Variants in RRAS2 observed in about 807,000 individuals in gnomAD.
RRAS2 encodes the protein RAS related 2, also known as ras-related protein R-Ras2.
In RRAS2, 7 loss-of-function variants were observed where a neutral mutation model predicts 27.6. The observed-to-expected ratio is 0.25, with a 90% CI of 0.14 to 0.48. The LOEUF (loss-of-function observed/expected upper bound fraction) is 0.48. Among genes scored for constraint, RRAS2 ranks in the 20% least tolerant of loss-of-function variants. RRAS2 has a pLI of 0.99. For missense variants in RRAS2, 178 were observed against 256.2 expected (o/e 0.69, Z 2.08); for synonymous variants, 86 against 90.9 (o/e 0.95, Z 0.31).
At chr11:14,359,703 T>G (rs1292548243), upstream of RRAS2, among the ~76,000 whole-genome samples, 3 of 152,116 alleles carry the variant, frequency 2.0e-5, no homozygotes, top group Non-Finnish European at 4.4e-5. Context: ...TGTGACAGAT[T>G]TTGTATGTGT....
At chr11:14,295,379 G>T (rs144144012) in intron 2 of RRAS2, among the ~76,000 whole-genome samples, 10 of 152,292 alleles carry the variant, frequency 6.6e-5, no homozygotes, top group Non-Finnish European at 1.5e-4. Context: ...AACAGTACTT[G>T]CTAAAGTCTC....
Position 14,358,585 on chromosome 11 carries a change from C to G in RRAS2, c.108+178G>C, listed in dbSNP as rs1554955813. On this transcript the variant is annotated intron_variant, in intron 1 of 5. Coordinates refer to ENST00000256196, the MANE Select transcript of RRAS2 (RefSeq NM_012250.6). This position sits in a 1 kb window ranked among gnomAD's most constrained non-coding sequence, Gnocchi z 5.1. ...CGCCGCGCCCGGGAGGAGGCAGGAG[C>G]GCGACGCTGCGGCCGCAGGGCAGGA... 2.0e-6 allele frequency: 2 copies of G among 985,308 alleles called. No homozygotes were observed. The highest frequency in any genetic ancestry group is 2.4e-6 in the Non-Finnish European group (2 of 829,896). The allele number at this position is 985,308 out of a possible 1,614,324, so 61.0% of individuals were successfully genotyped here. A position where few individuals can be genotyped will look rare whatever the true frequency, so the allele number is the denominator to read the frequency against.
chr11:14,280,347 T>G (rs1849489645), intron 5 of RRAS2, among the ~76,000 whole-genome samples: 1 of 152,028 alleles, frequency 6.6e-6, no homozygotes, highest in Non-Finnish European at 1.5e-5. Context: ...AACCTTCACT[T>G]TTTTTTCCTC....
chr11:14,302,071 CAT>C (rs1395658655), intron 1 of RRAS2, among the ~76,000 whole-genome samples: 2 of 104,072 alleles, frequency 1.9e-5, no homozygotes, highest in Non-Finnish European at 4.1e-5. Context: ...GTACCACACA[CAT>C]ACACACACAC....
At chr11:14,306,181 T>C (rs1341866771) in intron 1 of RRAS2, among the ~76,000 whole-genome samples, 6 of 152,232 alleles carry the variant, frequency 3.9e-5, no homozygotes, top group South Asian at 2.1e-4. Flanking sequence ...TGTGTGCTTA[T>C]TGGCCATTTG....
chr11:14,342,124 T>TACCC (rs1848720274), intron 1 of RRAS2: 2 of 226,810 alleles, frequency 8.8e-6, no homozygotes, highest in African/African-American at 4.6e-5. Context: ...CCTCTCCTCC[T>TACCC]ACCCCACTGC....
At position 14,358,203 on chromosome 11, in the gene RRAS2, T is replaced by C; in HGVS notation, c.108+560A>G. The C allele has an allele frequency of 1.1e-5, 11 of 984,650 alleles. No individual in the cohort carries two copies. The highest frequency in any genetic ancestry group is 1.3e-5 in the Non-Finnish European group (11 of 829,200). 61.0% of individuals were successfully genotyped at this position (984,650 alleles called of 1,614,324 possible). On this transcript the variant is annotated intron_variant, in intron 1 of 5. Coordinates refer to ENST00000256196, the MANE Select transcript of RRAS2 (RefSeq NM_012250.6). This position sits in a 1 kb window ranked among gnomAD's most constrained non-coding sequence, Gnocchi z 5.1. Reference sequence around the variant, plus strand: ...CACACTCCCACCCGGACATATTACCTAAGAGAGTACTTATAAAAAGAGCGT... The same window carrying C: ...CACACTCCCACCCGGACATATTACCCAAGAGAGTACTTATAAAAAGAGCGT...
At chr11:14,279,715 G>A (rs1849470024) in intron 5 of RRAS2, among the ~76,000 whole-genome samples, 1 of 152,080 alleles carries the variant, frequency 6.6e-6, no homozygotes, top group South Asian at 2.1e-4. Context: ...TGACTCTAAG[G>A]TATCCTTAAG....
chr11:14,342,659 T>A (rs1481866013), intron 1 of RRAS2, among the ~76,000 whole-genome samples: 4 of 152,194 alleles, frequency 2.6e-5, no homozygotes, highest in Non-Finnish European at 5.9e-5. Context: ...ATTATACCTT[T>A]TCATTTCATA....
At chr11:14,322,936 A>T (rs1554950487) in intron 1 of RRAS2, among the ~76,000 whole-genome samples, 1 of 152,242 alleles carries the variant, frequency 6.6e-6, no homozygotes, top group East Asian at 1.9e-4. Context: ...TATGGAAATA[A>T]AAAATATAAC....
chr11:14,315,597 ATG>A (rs1430321066), intron 1 of RRAS2, among the ~76,000 whole-genome samples: 2 of 152,230 alleles, frequency 1.3e-5, no homozygotes, highest in Non-Finnish European at 2.9e-5. Context: ...GCTAATAATA[ATG>A]TATCCACATT....
intron 1 of RRAS2, among the ~76,000 whole-genome samples, chr11:14,355,826 T>C (rs1849061346): frequency 6.6e-6 from 1 of 152,210 alleles, no homozygotes; most frequent in Non-Finnish European, 1.5e-5. Flanking sequence ...CTTATTAAAA[T>C]GATTAGTCTG....
chr11:14,300,211 G>A (rs1847663582), intron 1 of RRAS2, among the ~76,000 whole-genome samples: 1 of 152,164 alleles, frequency 6.6e-6, no homozygotes, highest in Admixed American at 6.5e-5. Flanking sequence ...GTGTGCAGAA[G>A]AATCCTAGTC....
At chr11:14,326,658 G>A (rs1339068369) in intron 1 of RRAS2, among the ~76,000 whole-genome samples, 1 of 152,144 alleles carries the variant, frequency 6.6e-6, no homozygotes, top group East Asian at 1.9e-4. Context: ...TCCTCTATTT[G>A]GGAGGGGGAG....
In RRAS2 at chr11:14,313,348, C is replaced by T. The variant is rs144719439; in HGVS notation, c.109-17493G>A. ...AAAGTAAACATGTAACTCTGAATCA[C>T]ATTTATATGCATATAATATAGGTCA... On this transcript the variant is annotated intron_variant, in intron 1 of 5. Transcript: ENST00000256196. 1.3e-4 allele frequency among the ~76,000 whole-genome samples: 20 copies of T among 152,272 alleles called. No homozygotes were observed. The East Asian group carries it at 3.9e-3, about 29-fold the overall frequency.
At chr11:14,293,126 T>C (rs1564957312) in intron 4 of RRAS2, among the ~76,000 whole-genome samples, 1 of 39,938 alleles carries the variant, frequency 2.5e-5, no homozygotes, top group African/African-American at 7.4e-5. Context: ...ACAAAACAAA[T>C]ATATATATAT....
chr11:14,335,855 A>G (rs1848578402), intron 1 of RRAS2, among the ~76,000 whole-genome samples: 1 of 152,220 alleles, frequency 6.6e-6, no homozygotes, highest in Non-Finnish European at 1.5e-5. Context: ...AGTACTAACA[A>G]AAGAATGCTC....
chr11:14,320,677 A>G (rs2133995969), intron 1 of RRAS2, among the ~76,000 whole-genome samples: 1 of 152,346 alleles, frequency 6.6e-6, no homozygotes, highest in South Asian at 2.1e-4. Flanking sequence ...AAGCACAGGG[A>G]AAGAACTTTT....
At chr11:14,290,526 C>CA in intron 4 of RRAS2, among the ~76,000 whole-genome samples, 1 of 152,102 alleles carries the variant, frequency 6.6e-6, no homozygotes, top group Non-Finnish European at 1.5e-5. Flanking sequence ...AATAGCATGC[C>CA]CCCTAAGGGT....
Sources: gnomAD v4.1 joint callset for allele counts (sites outside exome capture counted in the v4.1 genomes callset) on GRCh38, gnomAD v4.1.1 for gene constraint, Gnocchi (gnomAD v3.1) non-coding constraint, MANE v1.5 for transcripts, NCBI Gene and HGNC (gene_info 2026-07-23, HGNC 2026-07-21) for gene names.